CCDC13: variants seen among roughly 807,000 people sequenced by gnomAD.
The protein encoded by CCDC13 is coiled-coil domain containing 13, also known as coiled-coil domain-containing protein 13.
In CCDC13, 70 loss-of-function variants were observed where a neutral mutation model predicts 87.3. That is an observed-to-expected ratio of 0.80 (90% CI 0.66 to 0.98). The LOEUF (loss-of-function observed/expected upper bound fraction) is 0.98, where lower values mean the gene tolerates loss of function less well. CCDC13 is among the 50% of genes least tolerant of loss of function. CCDC13 has a pLI of 0.00. For missense variants in CCDC13, 842 were observed against 892.0 expected (o/e 0.94, Z 0.71); for synonymous variants, 317 against 360.3 (o/e 0.88, Z 1.36).
chr3:42,739,594 C>T, intron 9 of CCDC13, 40 bp downstream of exon 9: 1 of 1,586,672 alleles, frequency 6.3e-7, no homozygotes, highest in South Asian at 1.2e-5. Context: ...TTTGAGGAAC[C>T]ACCCCTGGCT....
At position 42,752,029 on chromosome 3, in the gene CCDC13, A is replaced by C. The variant is rs1699596369; in HGVS notation, c.514-4T>G. ...GCCTGGTCAGGGCTGTCTGCAGCTG[A>C]AAAAGCAAACCTCGTGCTTAATACT... On this transcript the variant is annotated splice_region_variant and splice_polypyrimidine_tract_variant and intron_variant, in intron 4 of 15. Transcript: ENST00000310232. The C allele has an allele frequency of 1.9e-6, 3 of 1,603,982 alleles. No individual in the cohort carries two copies. The highest frequency in any genetic ancestry group is 2.5e-6 in the Non-Finnish European group (3 of 1,179,690).
intron 13 of CCDC13, 80 bp downstream of exon 13, chr3:42,730,387 A>ACC: frequency 6.4e-7 from 1 of 1,557,106 alleles, no homozygotes; most frequent in South Asian, 1.2e-5. Flanking sequence ...GGTGAGGAGG[A>ACC]CCCAGTCATA....
chr3:42,717,953 C>T (rs17238314), intron 13 of CCDC13: 35,434 of 152,078 alleles, frequency 0.23, 4,380 homozygotes, highest in Non-Finnish European at 0.28. Flanking sequence ...CTGGGTCTAA[C>T]GATGTGTCTT....
intron 1 of CCDC13, among the ~76,000 whole-genome samples, chr3:42,769,899 C>T (rs1292817784): frequency 3.3e-5 from 5 of 152,276 alleles, no homozygotes; most frequent in Non-Finnish European, 5.9e-5. Flanking sequence ...TTAGCTGCCT[C>T]CCCGCAGGGC....
intron 1 of CCDC13, chr3:42,771,190 T>G (rs1484601399): frequency 1.3e-5 from 2 of 152,208 alleles, no homozygotes; most frequent in African/African-American, 4.8e-5. Context: ...TATTGTTAAG[T>G]GAAGAAGCCG....
At chr3:42,757,925 T>A (rs1000987117) in intron 2 of CCDC13, among the ~76,000 whole-genome samples, 200 bp downstream of exon 2, 2 of 152,154 alleles carry the variant, frequency 1.3e-5, no homozygotes, top group Admixed American at 6.5e-5. Flanking sequence ...GAAATCATAA[T>A]ATGTATTATA....
chr3:42,736,962 G>A (rs540852887), intron 9 of CCDC13, among the ~76,000 whole-genome samples: 88 of 152,274 alleles, frequency 5.8e-4, no homozygotes, highest in African/African-American at 2.0e-3. Flanking sequence ...TGTGCACAAC[G>A]TGCAGGTTTG....
At chr3:42,729,544 C>T (rs546417813) in intron 13 of CCDC13, among the ~76,000 whole-genome samples, 1 of 152,320 alleles carries the variant, frequency 6.6e-6, no homozygotes, top group East Asian at 1.9e-4. Context: ...AGTGCCCTCA[C>T]ATGTGGGGTG....
Position 42,709,126 on chromosome 3 carries a change from C to T in CCDC13, c.2002G>A (p.Val668Met). ...GCCTTTAGCATTTCATTCTCCTCCA[C>T]CTGGATGGCCAGCCTGGACCACAGG... ...EELTTRLAIQVEENEMLKAAL... is the reference protein window; with the variant it reads ...EELTTRLAIQMEENEMLKAAL... The change falls in exon 16 of 16, where the codon GTG (valine) becomes ATG (methionine). Residue 668 changes from valine (V) to methionine (M), a missense_variant. Transcript: ENST00000310232. The T allele has an allele frequency of 6.2e-7, 1 of 1,611,642 alleles. No individual in the cohort carries two copies. The highest frequency in any genetic ancestry group is 1.7e-4 in the Middle Eastern group (1 of 6,044).
chr3:42,764,019 G>C (rs148562199), intron 1 of CCDC13, among the ~76,000 whole-genome samples: 115 of 152,316 alleles, frequency 7.6e-4, no homozygotes, highest in African/African-American at 2.6e-3. Flanking sequence ...GGAGCTTCCA[G>C]GTGATAAGTA....
chr3:42,704,169 A>G (rs1034162387), downstream of CCDC13: 1 of 152,280 alleles, frequency 6.6e-6, no homozygotes, highest in Admixed American at 6.5e-5. Context: ...AGATGTTGCC[A>G]CTGTACGCAG....
intron 14 of CCDC13, among the ~76,000 whole-genome samples, chr3:42,712,466 C>T (rs772112935): frequency 2.6e-5 from 4 of 152,204 alleles, no homozygotes; most frequent in East Asian, 3.8e-4. Context: ...TGTGTTCGAG[C>T]GATAGACTTT....
chr3:42,744,104 C>T (rs1365041037), intron 7 of CCDC13, among the ~76,000 whole-genome samples: 2 of 152,124 alleles, frequency 1.3e-5, no homozygotes, highest in Non-Finnish European at 2.9e-5. Flanking sequence ...ACAGTTCTAG[C>T]GGAAGGGACA....
intron 14 of CCDC13, 147 bp downstream of exon 14, chr3:42,713,015 C>A: frequency 1.1e-6 from 1 of 880,950 alleles, no homozygotes; most frequent in Non-Finnish European, 1.7e-6. Flanking sequence ...GAACACCCCA[C>A]AGTGGAGGCA....
At chr3:42,727,662 C>G (rs145714186) in intron 13 of CCDC13, among the ~76,000 whole-genome samples, 1 of 152,096 alleles carries the variant, frequency 6.6e-6, no homozygotes, top group Non-Finnish European at 1.5e-5. Flanking sequence ...GAAACAGTAA[C>G]ATGAAAGGCA....
At chr3:42,768,217 G>T (rs1390880189) in intron 1 of CCDC13, among the ~76,000 whole-genome samples, 1 of 152,040 alleles carries the variant, frequency 6.6e-6, no homozygotes, top group Non-Finnish European at 1.5e-5. Context: ...CTCAAAATGG[G>T]TTATATACTG....
At chr3:42,765,281 G>A (rs2125913890) in intron 1 of CCDC13, among the ~76,000 whole-genome samples, 1 of 152,314 alleles carries the variant, frequency 6.6e-6, no homozygotes, top group Admixed American at 6.5e-5. Context: ...AGACAGTAAT[G>A]CCTGCACTGA....
chr3:42,758,956 C>T (rs568550816), intron 1 of CCDC13, among the ~76,000 whole-genome samples: 5 of 152,124 alleles, frequency 3.3e-5, no homozygotes, highest in South Asian at 2.1e-4. Flanking sequence ...TTATTCTGAC[C>T]GCTACCACCT....
intron 3 of CCDC13, among the ~76,000 whole-genome samples, chr3:42,755,931 C>T (rs1271806529): frequency 6.6e-6 from 1 of 152,080 alleles, no homozygotes; most frequent in Admixed American, 6.5e-5. Context: ...TGGCCCCTTC[C>T]ACAGCTGAAT....
Sources: gnomAD v4.1 joint callset for allele counts (sites outside exome capture counted in the v4.1 genomes callset) on GRCh38, gnomAD v4.1.1 for gene constraint, MANE v1.5 for transcripts, NCBI Gene and HGNC (gene_info 2026-07-23, HGNC 2026-07-21) for gene names.